Variants in FCHO2 observed in about 807,000 individuals in gnomAD.
The protein encoded by FCHO2 is FCH and mu domain containing endocytic adaptor 2.
FCHO2 carries 43 observed loss-of-function variants against 114.1 expected under a neutral mutation model. That is an observed-to-expected ratio of 0.38 (90% CI 0.30 to 0.49). FCHO2 has a LOEUF of 0.49. Among genes scored for constraint, FCHO2 ranks in the 20% least tolerant of loss-of-function variants. The pLI is 0.97. For missense variants in FCHO2, 807 were observed against 950.4 expected (o/e 0.85, Z 1.98); for synonymous variants, 293 against 315.2 (o/e 0.93, Z 0.75).
chr5:72,983,028 C>T (rs1753305392), intron 2 of FCHO2, among the ~76,000 whole-genome samples: 1 of 151,986 alleles, frequency 6.6e-6, no homozygotes. Flanking sequence ...ATTTTCCTGC[C>T]TCAGCCTCCC....
chr5:73,078,654 G>C (rs896125586), intron 22 of FCHO2, among the ~76,000 whole-genome samples: 1 of 152,146 alleles, frequency 6.6e-6, no homozygotes, highest in Non-Finnish European at 1.5e-5. Context: ...GTATATAAGA[G>C]TTTTCTGGAT....
At chr5:72,956,162 G>A (rs1334488929) in intron 1 of FCHO2, 33 bp downstream of exon 1, 7 of 1,531,862 alleles carry the variant, frequency 4.6e-6, no homozygotes, top group Middle Eastern at 1.7e-4. Context: ...CGTGTGTTTC[G>A]AAGTCCAAGG....
intron 11 of FCHO2, among the ~76,000 whole-genome samples, chr5:73,041,924 T>G (rs1756823782): frequency 1.3e-5 from 2 of 152,100 alleles, no homozygotes; most frequent in South Asian, 4.1e-4. Flanking sequence ...TTCAAAACTG[T>G]TCATTAGATA....
chr5:73,017,708 A>G (rs1561451772), intron 8 of FCHO2, among the ~76,000 whole-genome samples: 1 of 152,154 alleles, frequency 6.6e-6, no homozygotes, highest in Non-Finnish European at 1.5e-5. Flanking sequence ...CGCTCAGAAC[A>G]TTGAGACCAA....
Position 73,088,106 on chromosome 5 carries a change from G to C in FCHO2, c.*16G>C. 6.2e-7 allele frequency: 1 copy of C among 1,613,144 alleles called. No individual in the cohort carries two copies. Among genetic ancestry groups the C allele is most frequent in the Non-Finnish European group, 8.5e-7 (1 of 1,179,536 alleles). On this transcript the variant is annotated 3_prime_UTR_variant, in exon 26 of 26. Coordinates refer to ENST00000430046, the MANE Select transcript of FCHO2 (RefSeq NM_138782.3). ...GGATTGTTGATGGACCTGGGAAAGT[G>C]ATGTGGCTTCAGGGATTACAAACCT... is the stretch of plus-strand genomic sequence containing the variant.
rs372273654 is a variant in FCHO2, at chr5:73,045,583, T to C, written c.939+4268T>C. 4.6e-5 allele frequency among the ~76,000 whole-genome samples: 7 copies of C among 152,338 alleles called. No individual in the cohort carries two copies. The South Asian group carries it at 1.2e-3, about 27-fold the overall frequency. Reference sequence around the variant, plus strand: ...GAACAATTGTGTACAGGTTTTTGTGTGGACATAATGTTCCTCTCTGACCCT... The same window carrying C: ...GAACAATTGTGTACAGGTTTTTGTGCGGACATAATGTTCCTCTCTGACCCT... On this transcript the variant is annotated intron_variant, in intron 11 of 25. Coordinates refer to ENST00000430046, the MANE Select transcript of FCHO2 (RefSeq NM_138782.3).
At chr5:72,964,531 C>T (rs1291233895) in intron 1 of FCHO2, among the ~76,000 whole-genome samples, 1 of 152,026 alleles carries the variant, frequency 6.6e-6, no homozygotes, top group Non-Finnish European at 1.5e-5. Context: ...ATTACAGGGG[C>T]ACGCCACCAC....
At chr5:73,038,917 G>A (rs1334717316) in intron 10 of FCHO2, among the ~76,000 whole-genome samples, 2 of 152,120 alleles carry the variant, frequency 1.3e-5, no homozygotes, top group Non-Finnish European at 2.9e-5. Flanking sequence ...ATATTGTAAA[G>A]AATCATGGCC....
intron 5 of FCHO2, among the ~76,000 whole-genome samples, chr5:72,995,002 A>G (rs562292095): frequency 6.6e-6 from 1 of 152,222 alleles, no homozygotes; most frequent in Non-Finnish European, 1.5e-5. Context: ...CAGAAAAAAT[A>G]CCTGTCAGTT....
intron 8 of FCHO2, among the ~76,000 whole-genome samples, chr5:73,019,767 C>A (rs982119563): frequency 3.3e-5 from 5 of 152,180 alleles, no homozygotes; most frequent in African/African-American, 4.8e-5. Flanking sequence ...AAAAAGTCCC[C>A]AGGCATATTG....
intron 2 of FCHO2, among the ~76,000 whole-genome samples, chr5:72,981,444 G>A (rs1156517481): frequency 1.3e-5 from 2 of 152,148 alleles, no homozygotes; most frequent in Non-Finnish European, 2.9e-5. Flanking sequence ...TTCTCGAGGA[G>A]TATCTTTGTG....
intron 9 of FCHO2, among the ~76,000 whole-genome samples, 188 bp from the exon 10 acceptor site, chr5:73,036,955 T>C (rs1271694710): frequency 6.6e-6 from 1 of 152,210 alleles, no homozygotes; most frequent in African/African-American, 2.4e-5. Flanking sequence ...AACAATAGAC[T>C]ATGTTTTATT....
chr5:73,019,379 T>C lies in FCHO2; in HGVS notation c.796+2071T>C, dbSNP rs147393788. Among the ~76,000 whole-genome samples the C allele has an allele frequency of 2.1e-3, 318 of 152,124 alleles. 1 individual carries two copies. The highest frequency in any genetic ancestry group is 2.2e-3 in the Non-Finnish European group (151 of 68,010). Reference sequence around the variant, plus strand: ...TGGCCAACATGGTGAAACCCTCTACTGAAAATACAAAAATTAGCCAGGTTT... The same window carrying C: ...TGGCCAACATGGTGAAACCCTCTACCGAAAATACAAAAATTAGCCAGGTTT... On this transcript the variant is annotated intron_variant, in intron 8 of 25. Transcript: ENST00000430046.
intron 6 of FCHO2, among the ~76,000 whole-genome samples, chr5:73,009,794 C>G (rs1270550651): frequency 6.6e-6 from 1 of 152,198 alleles, no homozygotes; most frequent in African/African-American, 2.4e-5. Flanking sequence ...AACTCGGCCT[C>G]CCAAAATGCT....
At chr5:73,047,912 C>T (rs1029463661) in intron 11 of FCHO2, among the ~76,000 whole-genome samples, 1 of 152,164 alleles carries the variant, frequency 6.6e-6, no homozygotes, top group Admixed American at 6.5e-5. Flanking sequence ...TCTGGGCTCA[C>T]TGCAACCTCT....
chr5:73,020,661 A>G, intron 8 of FCHO2: 2 of 1,050,514 alleles, frequency 1.9e-6, no homozygotes, highest in Non-Finnish European at 3.0e-6. Flanking sequence ...CAGTTATTAA[A>G]TACTAGACCG....
chr5:73,075,861 A>G (rs1234655994), intron 20 of FCHO2, among the ~76,000 whole-genome samples: 1 of 151,966 alleles, frequency 6.6e-6, no homozygotes, highest in Non-Finnish European at 1.5e-5. Flanking sequence ...CTTAGTGGAA[A>G]TGTTGAATTG....
intron 5 of FCHO2, among the ~76,000 whole-genome samples, chr5:73,002,787 G>A (rs756600650): frequency 6.6e-6 from 1 of 152,112 alleles, no homozygotes; most frequent in Non-Finnish European, 1.5e-5. Flanking sequence ...TCTTCAAGAA[G>A]CTTTCTTTTT....
chr5:73,076,329 A>G (rs188271876), intron 20 of FCHO2, among the ~76,000 whole-genome samples: 33 of 152,284 alleles, frequency 2.2e-4, no homozygotes, highest in African/African-American at 6.0e-4. Context: ...GGAAAGAACA[A>G]ATGCAGTTAT....
Sources: gnomAD v4.1 joint callset for allele counts (sites outside exome capture counted in the v4.1 genomes callset) on GRCh38, gnomAD v4.1.1 for gene constraint, MANE v1.5 for transcripts, NCBI Gene and HGNC (gene_info 2026-07-23, HGNC 2026-07-21) for gene names.